The following PRCP variants were observed in gnomAD, a reference collection of about 807,000 sequenced individuals.
The protein encoded by PRCP is prolylcarboxypeptidase.
PRCP carries 46 observed loss-of-function variants against 54.2 expected under a neutral mutation model. The observed-to-expected ratio is 0.85, with a 90% CI of 0.67 to 1.09. The LOEUF is 1.09. Ranked by LOEUF, PRCP falls within the 50% of genes least tolerant of loss-of-function variation. The pLI is 0.00. For synonymous variants in PRCP, 240 were observed against 212.2 expected (o/e 1.13, Z -1.14); for missense variants, 613 against 596.8 (o/e 1.03, Z -0.28).
rs563439199 is a variant in PRCP at position 82,848,968 on chromosome 11, C to T, written c.921+81G>A. The T allele has an allele frequency of 4.6e-4, 657 of 1,414,442 alleles. 3 individuals carry two copies. The African/African-American group carries it at 8.8e-3, about 19-fold the overall frequency. 87.6% of individuals were successfully genotyped at this position (1,414,442 alleles called of 1,614,324 possible). A position where few individuals can be genotyped will look rare whatever the true frequency, so the allele number is the denominator to read the frequency against. ...GGAGCCCCTTTGTCACTGGGACTTT[C>T]TCTGAGGCAGAAAGTCAGAGTATGC... On this transcript the variant is annotated intron_variant, in intron 6 of 8. Transcript: ENST00000313010.
chr11:82,868,774 C>A (rs1322422728), intron 1 of PRCP, among the ~76,000 whole-genome samples: 3 of 152,186 alleles, frequency 2.0e-5, no homozygotes, highest in Non-Finnish European at 2.9e-5. Flanking sequence ...ATGGCTCACA[C>A]CTTTAATCCC....
At chr11:82,869,418 G>A (rs1202117113) in intron 1 of PRCP, among the ~76,000 whole-genome samples, 1 of 150,254 alleles carries the variant, frequency 6.7e-6, no homozygotes, top group Non-Finnish European at 1.5e-5. Flanking sequence ...AGGAAGGAAA[G>A]AAAGAAAGCG....
rs555924452 is a variant in PRCP at position 82,890,960 on chromosome 11, T to C, written c.168+9275A>G. Among the ~76,000 whole-genome samples the C allele has an allele frequency of 5.9e-5, 9 of 152,344 alleles. No homozygotes were observed. The East Asian group carries it at 1.5e-3, about 26-fold the overall frequency. ...TAAATATGCAGTGTTGAGAAGATCA[T>C]CTTTAAAAGAAAAGATCATCTTCAC... On this transcript the variant is annotated intron_variant, in intron 1 of 8. Transcript: ENST00000313010.
chr11:82,861,184 A>T (rs1415687206), intron 1 of PRCP, among the ~76,000 whole-genome samples: 1 of 152,168 alleles, frequency 6.6e-6, no homozygotes, highest in Non-Finnish European at 1.5e-5. Context: ...AAAGTAAAAA[A>T]TTCAACATTT....
At chr11:82,865,808 T>C (rs1025995273) in intron 1 of PRCP, among the ~76,000 whole-genome samples, 1 of 152,202 alleles carries the variant, frequency 6.6e-6, no homozygotes, top group African/African-American at 2.4e-5. Flanking sequence ...AGTTCTTAAA[T>C]GGAGACTGAC....
chr11:82,896,678 C>CAAAAA (rs68047129), intron 1 of PRCP, among the ~76,000 whole-genome samples: 28 of 55,638 alleles, frequency 5.0e-4, no homozygotes, highest in East Asian at 2.4e-3. Flanking sequence ...GACTCCAACT[C>CAAAAA]AAAAAAAAAA....
intron 8 of PRCP, 176 bp from the exon 9 acceptor site, chr11:82,825,298 G>A (rs566921042): frequency 4.8e-6 from 3 of 630,836 alleles, no homozygotes; most frequent in Non-Finnish European, 8.0e-6. Context: ...CTGGAGTTTT[G>A]CAATATTCAT....
chr11:82,857,823 C>T (rs561478510), intron 2 of PRCP, among the ~76,000 whole-genome samples: 1 of 152,324 alleles, frequency 6.6e-6, no homozygotes, highest in African/African-American at 2.4e-5. Flanking sequence ...TACTCATTCC[C>T]TGCCATTTAT....
intron 1 of PRCP, among the ~76,000 whole-genome samples, chr11:82,861,891 A>G (rs59960922): frequency 0.12 from 17,725 of 152,152 alleles, 1,977 homozygotes; most frequent in African/African-American, 0.29. Flanking sequence ...TTTAATATGG[A>G]CTAGTTATTA....
At position 82,839,549 on chromosome 11, in the gene PRCP, A is replaced by G. The variant is rs548346756; in HGVS notation, c.922-124T>C. The G allele has an allele frequency of 3.0e-5, 31 of 1,040,518 alleles. No homozygotes were observed. In the East Asian group the frequency reaches 7.0e-4, roughly 23 times the overall value. 64.5% of individuals were successfully genotyped at this position (1,040,518 alleles called of 1,614,324 possible). On this transcript the variant is annotated intron_variant, in intron 6 of 8. Transcript: ENST00000313010. ...AAAATATTCTTAAGCTACTAACTGC[A>G]GTGTTTAATTTCTCTCTTGGGTTTA...
intron 1 of PRCP, among the ~76,000 whole-genome samples, chr11:82,882,157 G>C (rs1010233286): frequency 6.6e-6 from 1 of 152,130 alleles, no homozygotes; most frequent in Non-Finnish European, 1.5e-5. Context: ...TGGTCTTGCT[G>C]TCTCAGGGGT....
At chr11:82,891,373 A>G (rs77010748) in intron 1 of PRCP, among the ~76,000 whole-genome samples, 6,640 of 152,240 alleles carry the variant, frequency 0.044, 212 homozygotes, top group African/African-American at 0.087. Context: ...AAATTTTGCA[A>G]CAACCTGGTC....
intron 6 of PRCP, chr11:82,840,379 A>G (rs1858632915): frequency 6.6e-6 from 1 of 152,182 alleles, no homozygotes; most frequent in Non-Finnish European, 1.5e-5. Flanking sequence ...CAGAAGAAGA[A>G]CCATACACAA....
intron 8 of PRCP, chr11:82,830,006 C>G (rs890042189): frequency 1.3e-5 from 2 of 152,148 alleles, no homozygotes; most frequent in Non-Finnish European, 2.9e-5. Flanking sequence ...TACATTTTTA[C>G]TAGCTGAATG....
intron 1 of PRCP, among the ~76,000 whole-genome samples, chr11:82,869,145 C>G (rs1396273647): frequency 6.6e-6 from 1 of 151,910 alleles, no homozygotes; most frequent in Non-Finnish European, 1.5e-5. Flanking sequence ...CACTTGAGCC[C>G]AGGAGTTCAA....
intron 1 of PRCP, among the ~76,000 whole-genome samples, chr11:82,881,255 A>G (rs968900940): frequency 3.3e-5 from 5 of 152,254 alleles, no homozygotes; most frequent in African/African-American, 1.2e-4. Flanking sequence ...AGAAATCTTA[A>G]AAATCTAAGT....
rs1859568070 is a variant in PRCP at position 82,874,888 on chromosome 11, C to A, written c.169-14771G>T. Among the ~76,000 whole-genome samples, 7 of 152,188 alleles carry A rather than the reference C, an allele frequency of 4.6e-5. 1 individual carries two copies. In the South Asian group the frequency reaches 1.5e-3, roughly 32 times the overall value. On this transcript the variant is annotated intron_variant, in intron 1 of 8. Transcript: ENST00000313010. ...GGGTTCTATTCAACGCCACTCCCTT[C>A]ATGAAGCATTCCTGCCTTCTTTGTG... is the stretch of plus-strand genomic sequence containing the variant.
chr11:82,836,284 C>T (rs1274387694), intron 8 of PRCP: 1 of 153,538 alleles, frequency 6.5e-6, no homozygotes, highest in East Asian at 1.9e-4. Flanking sequence ...CAGATAGGCC[C>T]TGATAGGTAG....
rs1858914961 is a variant in PRCP, at chr11:82,850,129, T to TA, written c.594-59dup. On this transcript the variant is annotated intron_variant, in intron 4 of 8. Transcript: ENST00000313010. ...GAAAAGAAAAAATATATATATATAT[T>TA]ATATATATGTCATCTAAATCAAGTT... 7 of 711,876 alleles carry TA rather than the reference T, an allele frequency of 9.8e-6. No individual in the cohort carries two copies. The Admixed American group carries it at 2.9e-4, about 29-fold the overall frequency. 44.1% of individuals were successfully genotyped at this position (711,876 alleles called of 1,614,324 possible). A position where few individuals can be genotyped will look rare whatever the true frequency, so the allele number is the denominator to read the frequency against.
Sources: gnomAD v4.1 joint callset for allele counts (sites outside exome capture counted in the v4.1 genomes callset) on GRCh38, gnomAD v4.1.1 for gene constraint, MANE v1.5 for transcripts, NCBI Gene and HGNC (gene_info 2026-07-23, HGNC 2026-07-21) for gene names.